MTFR1: variants seen among roughly 807,000 people sequenced by gnomAD.
The protein encoded by MTFR1 is chondrocyte protein with a poly-proline region.
In MTFR1, 28 loss-of-function variants were observed where a neutral mutation model predicts 38.8. That is an observed-to-expected ratio of 0.72 (90% CI 0.53 to 0.99). The LOEUF (loss-of-function observed/expected upper bound fraction) is 0.99, where lower values mean the gene tolerates loss of function less well. Ranked by LOEUF, MTFR1 falls within the 50% of genes least tolerant of loss-of-function variation. The probability of loss-of-function intolerance (pLI) is 0.00; values close to 1 mark genes in which losing one functional copy is unlikely to be tolerated. For synonymous variants in MTFR1, 145 were observed against 137.0 expected (o/e 1.06, Z -0.41); for missense variants, 358 against 395.5 (o/e 0.91, Z 0.81).
chr8:65,707,725 C>A, intron 6 of MTFR1, 118 bp from the exon 7 acceptor site: 2 of 1,262,298 alleles, frequency 1.6e-6, no homozygotes, highest in Non-Finnish European at 2.2e-6. Flanking sequence ...TTTATCAGGT[C>A]TCTATGGAGT....
In MTFR1 at chr8:65,740,795, ATC is replaced by A. The variant is rs983092519; in HGVS notation, c.*48+21324_*48+21325del. On this transcript the variant is annotated intron_variant, in intron 3 of 3. Coordinates refer to the MTFR1 transcript ENST00000521247. ...CAACTATCCCCACCCCACCCCACCA[ATC>A]TCTCTCTCTTTTCTATATTGTCTCA... Among the ~76,000 whole-genome samples the A allele has an allele frequency of 1.5e-3, 230 of 151,734 alleles. 1 individual carries two copies. Among genetic ancestry groups the A allele is most frequent in the African/African-American group, 5.3e-3 (220 of 41,360 alleles).
At position 65,704,686 on chromosome 8, in the gene MTFR1, C is replaced by T; in HGVS notation, c.282-8C>T. 1 of 1,612,988 alleles carries T rather than the reference C, an allele frequency of 6.2e-7. No individual in the cohort carries two copies. The highest frequency in any genetic ancestry group is 8.5e-7 in the Non-Finnish European group (1 of 1,179,138). On this transcript the variant is annotated splice_polypyrimidine_tract_variant and splice_region_variant and intron_variant, in intron 4 of 7. Coordinates refer to ENST00000262146, the MANE Select transcript of MTFR1 (RefSeq NM_014637.4). ...CCTGTGACAGCCCACCTTATGTCTT[C>T]CTTGCAGGACAGAGGTCAGATCAAG...
chr8:65,699,914 G>A (rs1805561195), intron 4 of MTFR1, among the ~76,000 whole-genome samples: 1 of 152,124 alleles, frequency 6.6e-6, no homozygotes, highest in Admixed American at 6.5e-5. Flanking sequence ...TGAAATTTAT[G>A]TTGATGACAT....
At chr8:65,704,646 C>A in intron 4 of MTFR1, 48 bp from the exon 5 acceptor site, 1 of 1,503,678 alleles carries the variant, frequency 6.7e-7, no homozygotes, top group Non-Finnish European at 9.2e-7. Flanking sequence ...TGGTGTTTCA[C>A]GTTCTCTTAC....
chr8:65,773,388 T>A (rs1331751336), downstream of MTFR1, among the ~76,000 whole-genome samples: 4 of 152,246 alleles, frequency 2.6e-5, no homozygotes, highest in Non-Finnish European at 5.9e-5. Context: ...AACTACAACT[T>A]ACACATTTGT....
At chr8:65,672,448 G>A (rs1414722466) in intron 2 of MTFR1, among the ~76,000 whole-genome samples, 2 of 152,106 alleles carry the variant, frequency 1.3e-5, no homozygotes, top group East Asian at 3.8e-4. Context: ...TACAGGCATA[G>A]CTTGGAGATA....
intron 3 of MTFR1, among the ~76,000 whole-genome samples, chr8:65,736,586 T>C (rs955154556): frequency 1.3e-5 from 2 of 151,900 alleles, no homozygotes; most frequent in African/African-American, 4.8e-5. Flanking sequence ...ACCTTGTCCC[T>C]ACTAAAAATA....
At chr8:65,675,507 G>A (rs928270132) in intron 2 of MTFR1, among the ~76,000 whole-genome samples, 2 of 151,340 alleles carry the variant, frequency 1.3e-5, no homozygotes, top group Admixed American at 1.3e-4. Flanking sequence ...GCTGAGGCAG[G>A]AGAATGGCGT....
chr8:65,774,290 T>C (rs1024281033), downstream of MTFR1, among the ~76,000 whole-genome samples: 3 of 149,586 alleles, frequency 2.0e-5, no homozygotes, highest in Non-Finnish European at 4.4e-5. Context: ...TTTTAAAAGA[T>C]TTTTTGTACT....
At chr8:65,662,871 C>A (rs1210160438) in intron 1 of MTFR1, among the ~76,000 whole-genome samples, 1 of 151,048 alleles carries the variant, frequency 6.6e-6, no homozygotes, top group Admixed American at 6.6e-5. Flanking sequence ...GGGGTTAGGC[C>A]CCAGCCCGGC....
chr8:65,732,951 C>T (rs1209517514), intron 3 of MTFR1, among the ~76,000 whole-genome samples: 1 of 152,088 alleles, frequency 6.6e-6, no homozygotes, highest in East Asian at 1.9e-4. Flanking sequence ...CTCAAGCAAG[C>T]CATCCGCCTC....
At chr8:65,643,955 CG>C (rs1337080992), upstream of MTFR1, among the ~76,000 whole-genome samples, 4 of 152,060 alleles carry the variant, frequency 2.6e-5, no homozygotes. Flanking sequence ...CAGCGACCTC[CG>C]GGATCAATTG....
intron 4 of MTFR1, among the ~76,000 whole-genome samples, chr8:65,698,281 TGG>T (rs961070486): frequency 6.6e-6 from 1 of 151,866 alleles, no homozygotes; most frequent in African/African-American, 2.4e-5. Context: ...CCTAAGTAGC[TGG>T]GGTTACAGGT....
chr8:65,777,844 T>G, the MTFR1 span, among the ~76,000 whole-genome samples: 1 of 152,192 alleles, frequency 6.6e-6, no homozygotes, highest in Non-Finnish European at 1.5e-5. Flanking sequence ...GATTTTGGTT[T>G]TCATAGTTAT....
At chr8:65,743,997 C>A (rs550919598) in intron 3 of MTFR1, among the ~76,000 whole-genome samples, 3 of 152,184 alleles carry the variant, frequency 2.0e-5, no homozygotes, top group African/African-American at 7.2e-5. Context: ...CACACCCAGC[C>A]AATGTTTGTA....
intron 4 of MTFR1, among the ~76,000 whole-genome samples, chr8:65,699,065 C>G (rs1276413713): frequency 1.3e-5 from 2 of 152,116 alleles, no homozygotes; most frequent in Non-Finnish European, 2.9e-5. Flanking sequence ...CAGTGTTTAG[C>G]TCTCATTTAC....
At chr8:65,658,326 CAAA>C (rs1809322170) in intron 1 of MTFR1, among the ~76,000 whole-genome samples, 1 of 152,114 alleles carries the variant, frequency 6.6e-6, no homozygotes, top group African/African-American at 2.4e-5. Flanking sequence ...ATAACTATCT[CAAA>C]AACAGATATT....
chr8:65,724,113 G>A (rs1806507531), intron 3 of MTFR1: 1 of 566,812 alleles, frequency 1.8e-6, no homozygotes, highest in Admixed American at 3.0e-5. Flanking sequence ...GTATTGATTA[G>A]ATGTATATCT....
downstream of MTFR1, among the ~76,000 whole-genome samples, chr8:65,771,884 CAAA>C (rs36101490): frequency 9.0e-5 from 5 of 55,834 alleles, no homozygotes; most frequent in Admixed American, 2.4e-4. Flanking sequence ...CTCCATCTCT[CAAA>C]AAAAAAAAAA....
Sources: allele counts gnomAD v4.1 joint callset (sites outside exome capture counted in the v4.1 genomes callset), GRCh38; gene constraint gnomAD v4.1.1; transcripts MANE v1.5; gene names NCBI Gene and HGNC (gene_info 2026-07-23, HGNC 2026-07-21).